The following BTBD9 variants were observed in gnomAD, a reference collection of about 807,000 sequenced individuals.
The protein encoded by BTBD9 is BTB domain containing 9, also known as BTB/POZ domain-containing protein 9.
In BTBD9, 49 loss-of-function variants were observed where a neutral mutation model predicts 64.3. That is an observed-to-expected ratio of 0.76 (90% CI 0.61 to 0.97). The LOEUF is 0.97. BTBD9 is among the 50% of genes least tolerant of loss of function. BTBD9 has a pLI of 0.00. For missense variants in BTBD9, 598 were observed against 762.1 expected (o/e 0.78, Z 2.53); for synonymous variants, 260 against 274.7 (o/e 0.95, Z 0.53).
At chr6:38,500,931 G>T (rs1246433009) in intron 6 of BTBD9, among the ~76,000 whole-genome samples, 1 of 152,144 alleles carries the variant, frequency 6.6e-6, no homozygotes, top group Non-Finnish European at 1.5e-5. Context: ...ATCTCCATGG[G>T]TACAAAGCAC....
rs77683571 is a variant in BTBD9 at position 38,475,726 on chromosome 6, T to C, written c.1154+101874A>G. ...AGAAGAACAGCATACCCATGATCTC[T>C]TGGGTCTCTGCTGTTTTTCAGCCAA... On this transcript the variant is annotated intron_variant, in intron 6 of 10. Coordinates refer to ENST00000481247, the MANE Select transcript of BTBD9 (RefSeq NM_001099272.2). 4.6e-3 allele frequency among the ~76,000 whole-genome samples: 705 copies of C among 152,292 alleles called. 5 individuals carry two copies. Among genetic ancestry groups the C allele is most frequent in the African/African-American group, 0.013 (561 of 41,562 alleles).
intron 9 of BTBD9, among the ~76,000 whole-genome samples, chr6:38,202,450 A>G (rs891909747): frequency 2.0e-5 from 3 of 152,194 alleles, no homozygotes; most frequent in Non-Finnish European, 2.9e-5. Context: ...AAAAAGAGCC[A>G]GTATAGCTAA....
In BTBD9 at chr6:38,224,854, T is replaced by G. The variant is rs189126515; in HGVS notation, c.1562+31555A>C. Among the ~76,000 whole-genome samples, 77 of 152,354 alleles carry G rather than the reference T, an allele frequency of 5.1e-4. 1 individual carries two copies. In the East Asian group the frequency reaches 0.013, roughly 27 times the overall value. ...TGTGTGTTAGGTAGTACTTACATTGTTTACAAGGCTTGGTCATTCAGAACA... is the reference window on the plus strand; with the variant it reads ...TGTGTGTTAGGTAGTACTTACATTGGTTACAAGGCTTGGTCATTCAGAACA... On this transcript the variant is annotated intron_variant, in intron 9 of 10. Coordinates refer to ENST00000481247, the MANE Select transcript of BTBD9 (RefSeq NM_001099272.2).
At chr6:38,395,510 T>G (rs7748763) in intron 6 of BTBD9, among the ~76,000 whole-genome samples, 5,898 of 152,286 alleles carry the variant, frequency 0.039, 394 homozygotes, top group African/African-American at 0.13. Context: ...CCTCACCAGA[T>G]GCCAAAATTG....
At chr6:38,228,745 G>T (rs1425138307) in intron 9 of BTBD9, among the ~76,000 whole-genome samples, 1 of 151,824 alleles carries the variant, frequency 6.6e-6, no homozygotes, top group Non-Finnish European at 1.5e-5. Context: ...GTGGTGGCAT[G>T]CGCCTGTAGT....
intron 6 of BTBD9, among the ~76,000 whole-genome samples, chr6:38,484,664 G>A (rs1771316652): frequency 6.6e-6 from 1 of 152,196 alleles, no homozygotes; most frequent in African/African-American, 2.4e-5. Context: ...TGGTTTCTCA[G>A]TGCATATAAA....
chr6:38,633,658 T>G (rs1255144434), intron 1 of BTBD9, among the ~76,000 whole-genome samples: 1 of 152,144 alleles, frequency 6.6e-6, no homozygotes, highest in African/African-American at 2.4e-5. Context: ...TGAGTTGCTG[T>G]TAAAACTGAA....
At chr6:38,384,098 A>T (rs1766055091) in intron 6 of BTBD9, among the ~76,000 whole-genome samples, 1 of 152,148 alleles carries the variant, frequency 6.6e-6, no homozygotes, top group Admixed American at 6.5e-5. Context: ...AGGCACAGTG[A>T]TTCTGACTCA....
intron 6 of BTBD9, among the ~76,000 whole-genome samples, chr6:38,539,909 A>AG (rs1269151852): frequency 6.6e-6 from 1 of 152,224 alleles, no homozygotes; most frequent in African/African-American, 2.4e-5. Flanking sequence ...TAGAGTTCAC[A>AG]GGCTAAGAGA....
At chr6:38,487,777 GT>G (rs1367214879) in intron 6 of BTBD9, among the ~76,000 whole-genome samples, 1 of 152,078 alleles carries the variant, frequency 6.6e-6, no homozygotes, top group African/African-American at 2.4e-5. Flanking sequence ...CTCCTTTAAG[GT>G]TTTGAACAGA....
chr6:38,267,648 G>A (rs534914583), intron 8 of BTBD9, among the ~76,000 whole-genome samples: 2 of 152,276 alleles, frequency 1.3e-5, no homozygotes, highest in African/African-American at 4.8e-5. Context: ...AAGTTAAACC[G>A]AAGGAGAGGG....
chr6:38,265,331 AT>A (rs1304537698), intron 8 of BTBD9, among the ~76,000 whole-genome samples: 2 of 151,946 alleles, frequency 1.3e-5, no homozygotes, highest in Non-Finnish European at 2.9e-5. Flanking sequence ...TAGTATAATT[AT>A]TTATTTATTT....
intron 6 of BTBD9, among the ~76,000 whole-genome samples, chr6:38,569,154 G>A (rs1665164224): frequency 6.6e-6 from 1 of 152,252 alleles, no homozygotes; most frequent in Admixed American, 6.5e-5. Flanking sequence ...CAAGTCCAAT[G>A]TAGAGTCTAC....
At chr6:38,360,609 G>T (rs1764911876) in intron 6 of BTBD9, among the ~76,000 whole-genome samples, 1 of 152,184 alleles carries the variant, frequency 6.6e-6, no homozygotes, top group African/African-American at 2.4e-5. Context: ...AGTATTGAAA[G>T]ATGAGTGGGG....
chr6:38,512,683 A>AG (rs1772827192), intron 6 of BTBD9, among the ~76,000 whole-genome samples: 5 of 152,224 alleles, frequency 3.3e-5, no homozygotes, highest in Admixed American at 3.3e-4. Context: ...AGCCATCACT[A>AG]GTTTAATAAA....
intron 2 of BTBD9, among the ~76,000 whole-genome samples, chr6:38,597,316 C>A (rs768827433): frequency 1.3e-5 from 2 of 152,122 alleles, no homozygotes; most frequent in Non-Finnish European, 2.9e-5. Flanking sequence ...AGAAAAAGAT[C>A]CATTATCATG....
At chr6:38,238,724 C>G (rs568008322) in intron 9 of BTBD9, among the ~76,000 whole-genome samples, 3 of 152,092 alleles carry the variant, frequency 2.0e-5, no homozygotes, top group African/African-American at 7.2e-5. Flanking sequence ...CCGCCCACCT[C>G]GGCCTCCCAA....
At chr6:38,584,057 T>C (rs550922832) in intron 4 of BTBD9, among the ~76,000 whole-genome samples, 1 of 152,040 alleles carries the variant, frequency 6.6e-6, no homozygotes, top group Non-Finnish European at 1.5e-5. Flanking sequence ...CTGGGTACAG[T>C]GGCTCATGCC....
In BTBD9 at chr6:38,517,804, C is replaced by T. The variant is rs533002735; in HGVS notation, c.1154+59796G>A. On this transcript the variant is annotated intron_variant, in intron 6 of 10. Transcript: ENST00000481247. The stretch of plus-strand genomic sequence containing the variant: ...AAGCAAAAGCTAGCTGGCTCTATAA[C>T]ACATCGAATCCATTTCTTTGCACCT... 9.2e-5 allele frequency among the ~76,000 whole-genome samples: 14 copies of T among 152,270 alleles called. No individual in the cohort carries two copies. The East Asian group carries it at 2.5e-3, about 27-fold the overall frequency.
Sources: gnomAD v4.1 joint callset for allele counts (sites outside exome capture counted in the v4.1 genomes callset) on GRCh38, gnomAD v4.1.1 for gene constraint, MANE v1.5 for transcripts, NCBI Gene and HGNC (gene_info 2026-07-23, HGNC 2026-07-21) for gene names.